Variants in PDXK observed in about 807,000 individuals in gnomAD.
PDXK encodes epididymis secretory sperm binding protein Li 1a.
In PDXK, 15 loss-of-function variants were observed where a neutral mutation model predicts 43.2. That is an observed-to-expected ratio of 0.35 (90% CI 0.23 to 0.53). The LOEUF (loss-of-function observed/expected upper bound fraction) is 0.53, where lower values mean the gene tolerates loss of function less well. Among genes scored for constraint, PDXK ranks in the 20% least tolerant of loss-of-function variants. The pLI, the probability that PDXK is intolerant of heterozygous loss-of-function variation, is 0.92. For missense variants in PDXK, 343 were observed against 417.0 expected (o/e 0.82, Z 1.54); for synonymous variants, 172 against 165.4 (o/e 1.04, Z -0.31).
At chr21:43,755,353 T>G (rs1345512129) in intron 9 of PDXK, 13 of 254,266 alleles carry the variant, frequency 5.1e-5, no homozygotes, top group Non-Finnish European at 1.0e-4. Flanking sequence ...GCAGGAGCAC[T>G]TCCCCTTGTA....
rs1176445512 is a variant in PDXK at position 43,725,298 on chromosome 21, GGGCGACAGAGCAA to G, written c.87+5919_87+5931del. Among the ~76,000 whole-genome samples, 407 of 152,016 alleles carry G rather than the reference GGGCGACAGAGCAA, an allele frequency of 2.7e-3. 3 individuals carry two copies. Among genetic ancestry groups the G allele is most frequent in the African/African-American group, 9.7e-3 (401 of 41,474 alleles). The stretch of plus-strand genomic sequence containing the variant: ...AGATCGCGCCACTGCACTCCAGCAC[GGGCGACAGAGCAA>G]GACTCTCGTCTCAAAACAAAACAAA... On this transcript the variant is annotated intron_variant, in intron 1 of 10. Coordinates refer to ENST00000291565, the MANE Select transcript of PDXK (RefSeq NM_003681.5).
At chr21:43,752,445 C>T (rs548859573) in intron 7 of PDXK, 73 bp from the exon 8 acceptor site, 9 of 982,318 alleles carry the variant, frequency 9.2e-6, no homozygotes, top group African/African-American at 3.2e-5. Context: ...GGTGATGGAT[C>T]GGGGAGTGGG....
chr21:43,752,493 C>G (rs1309456642), intron 7 of PDXK, 25 bp from the exon 8 acceptor site: 1 of 1,522,112 alleles, frequency 6.6e-7, no homozygotes, highest in Non-Finnish European at 9.1e-7. Context: ...CCGGCCGTGG[C>G]TGACGCTCCC....
chr21:43,720,543 C>A (rs1338220555), intron 1 of PDXK, among the ~76,000 whole-genome samples: 6 of 152,162 alleles, frequency 3.9e-5, no homozygotes, highest in Non-Finnish European at 8.8e-5. Context: ...GGGAAGGATG[C>A]GGTGCTTCAC....
At chr21:43,741,497 T>G in intron 2 of PDXK, 170 bp from the exon 3 acceptor site, 1 of 1,381,302 alleles carries the variant, frequency 7.2e-7, no homozygotes, top group South Asian at 1.8e-5. Context: ...TGGGCAGCCG[T>G]TGGGACCTGC....
intron 1 of PDXK, among the ~76,000 whole-genome samples, chr21:43,727,502 C>T (rs983521419): frequency 2.0e-5 from 3 of 152,236 alleles, no homozygotes; most frequent in African/African-American, 4.8e-5. Context: ...CCTCCGGCAG[C>T]TTTCCCCATT....
intron 1 of PDXK, among the ~76,000 whole-genome samples, chr21:43,728,527 T>C (rs1157528154): frequency 6.6e-6 from 1 of 152,200 alleles, no homozygotes; most frequent in African/African-American, 2.4e-5. Flanking sequence ...ACTCCTGCCG[T>C]TCTGAGTCAC....
chr21:43,727,402 T>C (rs970307181), intron 1 of PDXK, among the ~76,000 whole-genome samples: 2 of 152,186 alleles, frequency 1.3e-5, no homozygotes, highest in Non-Finnish European at 1.5e-5. Context: ...CTTGTGCCCA[T>C]CTATTCCCCG....
At chr21:43,753,265 C>G (rs909221515) in intron 8 of PDXK, among the ~76,000 whole-genome samples, 5 of 152,210 alleles carry the variant, frequency 3.3e-5, no homozygotes, top group Non-Finnish European at 2.9e-5. Flanking sequence ...CGTGGGCACA[C>G]GCACACACAT....
At chr21:43,730,622 G>A (rs2083305863) in intron 1 of PDXK, among the ~76,000 whole-genome samples, 1 of 152,216 alleles carries the variant, frequency 6.6e-6, no homozygotes, top group African/African-American at 2.4e-5. Flanking sequence ...AAACTAGGAA[G>A]TGGTGAGGCT....
rs2083793416 is a variant in PDXK, at chr21:43,753,584, G to T, written c.624G>T (p.Arg208Ser). ...ACCTTGCCCATCTTCTCCCCCTAGG[G>T]AATCCCGCTGGCTCCGTGGTGATGG... Reference protein sequence around the residue: ...YLIVLGSQRRRNPAGSVVMER... With the variant: ...YLIVLGSQRRSNPAGSVVMER... Residue 208 changes from arginine to serine, a missense_variant and splice_region_variant, in exon 9 of 11, where the codon AGG (arginine) becomes AGT (serine). Physicochemically the swap from Arg to Ser is moderately radical, Grantham distance 110. Transcript: ENST00000291565. The T allele has an allele frequency of 6.2e-7, 1 of 1,610,386 alleles. No individual in the cohort carries two copies. The highest frequency in any genetic ancestry group is 8.5e-7 in the Non-Finnish European group (1 of 1,177,678).
intron 2 of PDXK, among the ~76,000 whole-genome samples, chr21:43,740,236 C>T (rs899079170): frequency 5.9e-5 from 9 of 152,106 alleles, no homozygotes; most frequent in African/African-American, 9.6e-5. Context: ...AAGCCAAAGG[C>T]GTCCCTTCCA....
At chr21:43,745,842 T>G (rs2083629616) in intron 4 of PDXK, 1 of 557,176 alleles carries the variant, frequency 1.8e-6, no homozygotes, top group African/African-American at 1.9e-5. Context: ...ACAAATCATT[T>G]AAAAGCTAGC....
In PDXK at chr21:43,737,304, T is replaced by C; in HGVS notation, c.142+3181T>C. 1 of 1,390,668 alleles carries C rather than the reference T, an allele frequency of 7.2e-7. No homozygotes were observed. The highest frequency in any genetic ancestry group is 9.3e-7 in the Non-Finnish European group (1 of 1,073,444). The allele number at this position is 1,390,668 out of a possible 1,614,324, so 86.1% of individuals were successfully genotyped here. A position where few individuals can be genotyped will look rare whatever the true frequency, so the allele number is the denominator to read the frequency against. ...GCAGGCCTCGCCGCCTCGAGGCTGC[T>C]GCTCGCACTTCTGCCCCTTCCCCCG... On this transcript the variant is annotated intron_variant, in intron 2 of 10. Coordinates refer to ENST00000291565, the MANE Select transcript of PDXK (RefSeq NM_003681.5). This position sits in a 1 kb window ranked among gnomAD's most constrained non-coding sequence, Gnocchi z 4.8.
chr21:43,738,925 TTTTC>T (rs1253372583), intron 2 of PDXK: 2 of 139,898 alleles, frequency 1.4e-5, no homozygotes, highest in Non-Finnish European at 3.2e-5. Flanking sequence ...TTATGAACTC[TTTTC>T]TTTTTCTTTT....
chr21:43,753,322 G>A (rs892798613), intron 8 of PDXK, among the ~76,000 whole-genome samples: 6 of 152,184 alleles, frequency 3.9e-5, no homozygotes, highest in Non-Finnish European at 5.9e-5. Flanking sequence ...TCTTCACGCC[G>A]TCGTTACTCT....
At chr21:43,745,214 G>A (rs2083616716) in intron 4 of PDXK, among the ~76,000 whole-genome samples, 1 of 152,178 alleles carries the variant, frequency 6.6e-6, no homozygotes, top group South Asian at 2.1e-4. Flanking sequence ...GAAGTCAGGT[G>A]TTCGAGATCA....
At chr21:43,731,740 A>G (rs537217688) in intron 1 of PDXK, among the ~76,000 whole-genome samples, 1 of 152,334 alleles carries the variant, frequency 6.6e-6, no homozygotes, top group East Asian at 1.9e-4. Context: ...GTGGGGAAAG[A>G]TGAGGTGTAT....
At chr21:43,743,632 C>G (rs1424924671) in intron 3 of PDXK, 92 bp from the exon 4 acceptor site, 1 of 861,864 alleles carries the variant, frequency 1.2e-6, no homozygotes, top group Non-Finnish European at 1.9e-6. Flanking sequence ...CACCCCTCTG[C>G]AGGGTCTGCT....
Sources: gnomAD v4.1 joint callset for allele counts (sites outside exome capture counted in the v4.1 genomes callset) on GRCh38, gnomAD v4.1.1 for gene constraint, Gnocchi (gnomAD v3.1) non-coding constraint, MANE v1.5 for transcripts, NCBI Gene and HGNC (gene_info 2026-07-23, HGNC 2026-07-21) for gene names.